The following MICU1 variants were observed in gnomAD, a reference collection of about 807,000 sequenced individuals.
MICU1 encodes mitochondrial calcium uptake 1, also known as calcium uptake protein 1, mitochondrial.
In MICU1, 45 loss-of-function variants were observed where a neutral mutation model predicts 56.8. The ratio of observed to expected loss-of-function variants is 0.79; its 90% CI spans 0.62 to 1.02. The LOEUF (loss-of-function observed/expected upper bound fraction) is 1.02, where lower values mean the gene tolerates loss of function less well. Ranked by LOEUF, MICU1 falls within the 50% of genes least tolerant of loss-of-function variation. The pLI, the probability that MICU1 is intolerant of heterozygous loss-of-function variation, is 0.00. For synonymous variants in MICU1, 186 were observed against 195.1 expected, an observed-to-expected ratio of 0.95 and a Z score of 0.39; for missense variants, 504 against 587.1, an observed-to-expected ratio of 0.86 and a Z score of 1.46.
chr10:72,583,271 T>G (rs1380568638), intron 1 of MICU1, among the ~76,000 whole-genome samples: 1 of 139,502 alleles, frequency 7.2e-6, no homozygotes, highest in Non-Finnish European at 1.5e-5. Flanking sequence ...CAAAATAGTT[T>G]GGCTGAATGC....
intron 10 of MICU1, among the ~76,000 whole-genome samples, chr10:72,388,672 G>A (rs746216493): frequency 1.3e-5 from 2 of 152,134 alleles, no homozygotes; most frequent in Non-Finnish European, 2.9e-5. Context: ...CCCTAAGAAT[G>A]GTCAACTCTT....
intron 1 of MICU1, among the ~76,000 whole-genome samples, chr10:72,601,449 G>C (rs1355789357): frequency 7.1e-6 from 1 of 140,126 alleles, no homozygotes; most frequent in Non-Finnish European, 1.5e-5. Flanking sequence ...AAAAAAAAAA[G>C]GAAAGAAAAG....
intron 5 of MICU1, among the ~76,000 whole-genome samples, chr10:72,526,888 T>C (rs1485112583): frequency 1.3e-5 from 2 of 150,732 alleles, no homozygotes; most frequent in African/African-American, 2.5e-5. Flanking sequence ...AAGATCCAAG[T>C]TTTCAAATAC....
At chr10:72,427,938 G>A (rs775907049) in intron 8 of MICU1, among the ~76,000 whole-genome samples, 1 of 151,950 alleles carries the variant, frequency 6.6e-6, no homozygotes, top group Non-Finnish European at 1.5e-5. Context: ...ACTGTGTTAT[G>A]CCCATCTAAA....
At chr10:72,491,970 A>G (rs1303213694) in intron 6 of MICU1, among the ~76,000 whole-genome samples, 1 of 152,190 alleles carries the variant, frequency 6.6e-6, no homozygotes, top group Non-Finnish European at 1.5e-5. Context: ...GGCTTAATAA[A>G]CTATGCTTAT....
chr10:72,528,476 C>A (rs1283909803), intron 5 of MICU1, among the ~76,000 whole-genome samples: 1 of 152,042 alleles, frequency 6.6e-6, no homozygotes, highest in Non-Finnish European at 1.5e-5. Flanking sequence ...CCAAGAATTT[C>A]CACTTGAGTG....
chr10:72,488,749 G>A (rs974354275), intron 6 of MICU1, among the ~76,000 whole-genome samples: 7 of 151,972 alleles, frequency 4.6e-5, no homozygotes, highest in African/African-American at 1.2e-4. Flanking sequence ...TTCCCTCTTG[G>A]CCTATAGTTT....
chr10:72,368,004 TG>T lies in MICU1; in HGVS notation c.*190del, dbSNP rs1235653607. 8.7e-6 allele frequency: 5 copies of T among 573,638 alleles called. No homozygotes were observed. The highest frequency in any genetic ancestry group is 4.7e-4 in the Middle Eastern group (1 of 2,110). 35.5% of individuals were successfully genotyped at this position (573,638 alleles called of 1,614,324 possible). A position where few individuals can be genotyped will look rare whatever the true frequency, so the allele number is the denominator to read the frequency against. On this transcript the variant is annotated 3_prime_UTR_variant, in exon 12 of 12. Transcript: ENST00000361114. Reference sequence around the variant, plus strand: ...TTTGAGAACCTATGGGGATACTCATTGGGCAGAATCAGAGCCCAGCAGAACA... The same window carrying T: ...TTTGAGAACCTATGGGGATACTCATTGGCAGAATCAGAGCCCAGCAGAACA...
At chr10:72,541,187 T>C (rs1180124391) in intron 4 of MICU1, among the ~76,000 whole-genome samples, 4 of 152,268 alleles carry the variant, frequency 2.6e-5, no homozygotes, top group Non-Finnish European at 4.4e-5. Flanking sequence ...ATTTAGACTA[T>C]AGTTTAACTT....
At chr10:72,460,375 A>T (rs1865605794) in intron 8 of MICU1, among the ~76,000 whole-genome samples, 1 of 152,180 alleles carries the variant, frequency 6.6e-6, no homozygotes, top group Middle Eastern at 3.2e-3. Flanking sequence ...CATGCTTAGA[A>T]ATGACTGAAC....
chr10:72,547,759 T>C (rs953806), intron 4 of MICU1, among the ~76,000 whole-genome samples: 89,973 of 151,932 alleles, frequency 0.59, 27,921 homozygotes, highest in Non-Finnish European at 0.68. Context: ...GGAAATTCTA[T>C]AATACAAATG....
intron 1 of MICU1, among the ~76,000 whole-genome samples, chr10:72,582,058 T>C (rs1840914305): frequency 6.6e-6 from 1 of 152,144 alleles, no homozygotes; most frequent in African/African-American, 2.4e-5. Flanking sequence ...GCCTCCCTAG[T>C]AGCTGGGATT....
At chr10:72,564,288 C>G (rs889108134) in intron 2 of MICU1, among the ~76,000 whole-genome samples, 1 of 152,118 alleles carries the variant, frequency 6.6e-6, no homozygotes, top group Admixed American at 6.5e-5. Flanking sequence ...CACCTGTAAT[C>G]CCAGCACTTC....
In MICU1 at chr10:72,490,890, C is replaced by T. The variant is rs114928916; in HGVS notation, c.653-13634G>A. Among the ~76,000 whole-genome samples the T allele has an allele frequency of 2.3e-3, 348 of 152,268 alleles. 2 individuals carry two copies. The highest frequency in any genetic ancestry group is 7.8e-3 in the African/African-American group (322 of 41,546). ...CTCCTTTGACATTTCACCAAGGACC[C>T]GTTTTTTCCCCTCAATTTGTCTTCG... On this transcript the variant is annotated intron_variant, in intron 6 of 11. Coordinates refer to ENST00000361114, the MANE Select transcript of MICU1 (RefSeq NM_001195518.2).
chr10:72,466,844 T>C lies in MICU1; in HGVS notation c.933+8256A>G, dbSNP rs138669989. Among the ~76,000 whole-genome samples, 7 of 152,360 alleles carry C rather than the reference T, an allele frequency of 4.6e-5. No homozygotes were observed. The East Asian group carries it at 1.3e-3, about 29-fold the overall frequency. On this transcript the variant is annotated intron_variant, in intron 8 of 11. Transcript: ENST00000361114. Reference sequence around the variant, plus strand: ...CAGATTTAATTCTACCTTAGCACTTTAAAAAGATGGGTAGAAAGATGTCAA... The same window carrying C: ...CAGATTTAATTCTACCTTAGCACTTCAAAAAGATGGGTAGAAAGATGTCAA...
intron 5 of MICU1, among the ~76,000 whole-genome samples, chr10:72,526,726 G>A (rs1867973237): frequency 1.3e-5 from 2 of 151,996 alleles, no homozygotes; most frequent in South Asian, 4.2e-4. Context: ...GTTTATAATA[G>A]TAAATTGTAG....
chr10:72,371,763 AT>A (rs1249840014), intron 11 of MICU1, among the ~76,000 whole-genome samples: 1 of 151,754 alleles, frequency 6.6e-6, no homozygotes, highest in Non-Finnish European at 1.5e-5. Flanking sequence ...AAATATATAT[AT>A]ATAGGCCAAG....
intron 8 of MICU1, among the ~76,000 whole-genome samples, chr10:72,447,433 T>A (rs895523818): frequency 3.3e-5 from 5 of 152,304 alleles, no homozygotes; most frequent in Admixed American, 1.3e-4. Flanking sequence ...ATGACAAAAT[T>A]GTATATTACT....
intron 6 of MICU1, among the ~76,000 whole-genome samples, chr10:72,500,238 A>G (rs1866977449): frequency 7.2e-6 from 1 of 139,224 alleles, no homozygotes; most frequent in African/African-American, 2.7e-5. Flanking sequence ...TTAATGATAA[A>G]CTATTATATA....
Sources: allele counts gnomAD v4.1 joint callset (sites outside exome capture counted in the v4.1 genomes callset), GRCh38; gene constraint gnomAD v4.1.1; transcripts MANE v1.5; gene names NCBI Gene and HGNC (gene_info 2026-07-23, HGNC 2026-07-21).